Variants in FGF12 observed in about 807,000 individuals in gnomAD.
FGF12 encodes fibroblast growth factor 12.
FGF12 carries 14 observed loss-of-function variants against 23.6 expected under a neutral mutation model. The observed-to-expected ratio is 0.59, with a 90% CI of 0.39 to 0.93. FGF12 has a LOEUF of 0.93. FGF12 is among the 40% of genes least tolerant of loss of function. The pLI is 0.00. For synonymous variants in FGF12, 62 were observed against 77.3 expected (o/e 0.80, Z 1.04); for missense variants, 175 against 217.8 (o/e 0.80, Z 1.24).
At chr3:192,394,707 CA>C (rs901903651) in intron 2 of FGF12, among the ~76,000 whole-genome samples, 3 of 152,146 alleles carry the variant, frequency 2.0e-5, no homozygotes, top group African/African-American at 7.2e-5. Context: ...TAGACTGAAT[CA>C]AAAACCTCTT....
chr3:192,497,101 T>C (rs920167787), intron 2 of FGF12, among the ~76,000 whole-genome samples: 4 of 152,218 alleles, frequency 2.6e-5, no homozygotes, highest in African/African-American at 4.8e-5. Context: ...CTCTACTCCA[T>C]GTGAAATTTA....
intron 2 of FGF12, among the ~76,000 whole-genome samples, chr3:192,618,685 C>G (rs566477058): frequency 2.0e-5 from 3 of 152,082 alleles, no homozygotes; most frequent in African/African-American, 7.2e-5. Context: ...AACAGATTCA[C>G]AGATGAAAAA....
At chr3:192,157,355 G>T (rs1225594178) in intron 5 of FGF12, among the ~76,000 whole-genome samples, 2 of 152,172 alleles carry the variant, frequency 1.3e-5, no homozygotes, top group African/African-American at 2.4e-5. Flanking sequence ...ATGATATATG[G>T]TATTTGTTCT....
chr3:192,591,535 A>G (rs935702810), intron 2 of FGF12, among the ~76,000 whole-genome samples: 2 of 151,858 alleles, frequency 1.3e-5, no homozygotes, highest in African/African-American at 4.8e-5. Flanking sequence ...ATCTGGTTCC[A>G]ATGGAGTTCA....
intron 2 of FGF12, among the ~76,000 whole-genome samples, chr3:192,426,027 C>G (rs1376298341): frequency 6.6e-6 from 1 of 152,214 alleles, no homozygotes; most frequent in Admixed American, 6.5e-5. Context: ...GTTTATAGCT[C>G]TTTACAAATG....
intron 2 of FGF12, among the ~76,000 whole-genome samples, chr3:192,429,503 A>T (rs1721788263): frequency 6.6e-6 from 1 of 152,108 alleles, no homozygotes; most frequent in Admixed American, 6.6e-5. Flanking sequence ...ATTGATAGTC[A>T]TATCCTTAAA....
chr3:192,284,760 G>A (rs1445218988), intron 4 of FGF12, among the ~76,000 whole-genome samples: 1 of 152,058 alleles, frequency 6.6e-6, no homozygotes, highest in African/African-American at 2.4e-5. Context: ...AAGCTCTAAT[G>A]TAATGCACTG....
chr3:192,162,428 C>CA (rs1372054167), intron 5 of FGF12, among the ~76,000 whole-genome samples: 1 of 151,764 alleles, frequency 6.6e-6, no homozygotes, highest in African/African-American at 2.4e-5. Flanking sequence ...CAATGAGGGA[C>CA]AAAGAGAGAG....
rs559131500 is a variant in FGF12, at chr3:192,147,443, T to G, written c.428-3316A>C. Among the ~76,000 whole-genome samples the G allele has an allele frequency of 1.1e-4, 16 of 152,308 alleles. No homozygotes were observed. In the East Asian group the frequency reaches 2.7e-3, roughly 26 times the overall value. On this transcript the variant is annotated intron_variant, in intron 5 of 5. Coordinates refer to ENST00000445105, the MANE Select transcript of FGF12 (RefSeq NM_004113.6). ...AACGCTTAATGACTGCTATTCTGAA[T>G]GTACATGGTAAATAATGAAACAAAA...
chr3:192,429,311 G>A (rs1721782417), intron 2 of FGF12, among the ~76,000 whole-genome samples: 2 of 152,038 alleles, frequency 1.3e-5, no homozygotes, highest in African/African-American at 4.8e-5. Context: ...CAAAGAACAG[G>A]CCATATTTTG....
intron 2 of FGF12, among the ~76,000 whole-genome samples, chr3:192,561,439 T>C (rs536040367): frequency 1.3e-5 from 2 of 152,086 alleles, no homozygotes; most frequent in Non-Finnish European, 2.9e-5. Context: ...CTCAGCCCAC[T>C]GTAACCTCCA....
chr3:192,444,447 C>T (rs1469124917), intron 2 of FGF12, among the ~76,000 whole-genome samples: 1 of 151,992 alleles, frequency 6.6e-6, no homozygotes, highest in Non-Finnish European at 1.5e-5. Context: ...GTGAAACTGT[C>T]TTTGTTTCTT....
At chr3:192,310,408 G>A (rs2108671264) in intron 4 of FGF12, among the ~76,000 whole-genome samples, 1 of 152,168 alleles carries the variant, frequency 6.6e-6, no homozygotes, top group Admixed American at 6.5e-5. Flanking sequence ...ATTTCTATGG[G>A]CTTCAAACTT....
chr3:192,647,726 C>CATGT (rs1716064377), intron 2 of FGF12, among the ~76,000 whole-genome samples: 5 of 144,854 alleles, frequency 3.5e-5, no homozygotes, highest in African/African-American at 1.3e-4. Flanking sequence ...TATATATACA[C>CATGT]ATATATACAT....
intron 4 of FGF12, among the ~76,000 whole-genome samples, chr3:192,306,461 T>C (rs1456983801): frequency 6.6e-6 from 1 of 152,086 alleles, no homozygotes; most frequent in Non-Finnish European, 1.5e-5. Flanking sequence ...ACCAAAAAAT[T>C]GGTCAAAGAA....
chr3:192,482,980 A>G (rs1723521606), intron 2 of FGF12, among the ~76,000 whole-genome samples: 1 of 152,154 alleles, frequency 6.6e-6, no homozygotes, highest in Non-Finnish European at 1.5e-5. Flanking sequence ...AAGTCCAAAT[A>G]TTTTAGAATA....
chr3:192,369,961 A>T (rs1450319055), intron 2 of FGF12, among the ~76,000 whole-genome samples: 2 of 152,176 alleles, frequency 1.3e-5, no homozygotes, highest in African/African-American at 2.4e-5. Context: ...ATGAAGTACC[A>T]CTTTATAGTT....
At chr3:192,318,472 T>C (rs1408974187) in intron 4 of FGF12, among the ~76,000 whole-genome samples, 2 of 152,132 alleles carry the variant, frequency 1.3e-5, no homozygotes, top group Non-Finnish European at 2.9e-5. Flanking sequence ...AACAGCAGAA[T>C]TAATCAAGCA....
intron 4 of FGF12, among the ~76,000 whole-genome samples, chr3:192,248,238 G>A (rs1711758912): frequency 6.6e-6 from 1 of 152,160 alleles, no homozygotes; most frequent in Admixed American, 6.5e-5. Context: ...TAGTTAAAGT[G>A]TACATTGAAC....
Sources: allele counts gnomAD v4.1 joint callset (sites outside exome capture counted in the v4.1 genomes callset), GRCh38; gene constraint gnomAD v4.1.1; transcripts MANE v1.5; gene names NCBI Gene and HGNC (gene_info 2026-07-23, HGNC 2026-07-21).